Variants in RAB11FIP5 observed in about 807,000 individuals in gnomAD.
RAB11FIP5 encodes the protein rab11 family-interacting protein 5.
Under a neutral mutation model 85.1 loss-of-function variants are expected in RAB11FIP5, and 48 were observed. The observed-to-expected ratio is 0.56, with a 90% CI of 0.45 to 0.72. RAB11FIP5 has a LOEUF of 0.72. RAB11FIP5 is among the 30% of genes least tolerant of loss of function. The probability of loss-of-function intolerance (pLI) is 0.00; values close to 1 mark genes in which losing one functional copy is unlikely to be tolerated. For missense variants in RAB11FIP5, 1,491 were observed against 1,687.0 expected, an observed-to-expected ratio of 0.88 and a Z score of 2.04; for synonymous variants, 729 against 727.3, an observed-to-expected ratio of 1.00 and a Z score of -0.04.
Position 73,086,791 on chromosome 2 carries a change from C to T in RAB11FIP5, c.1568+1259G>A, listed in dbSNP as rs1445120950. On this transcript the variant is annotated intron_variant, in intron 3 of 5. Transcript: ENST00000486777. This position sits in a 1 kb window ranked among gnomAD's most constrained non-coding sequence, Gnocchi z 4.4. ...TCACCTGAGCTCTGGTGAGTAGGGG[C>T]GGGGCAGTAGGGACAGGAGCTGCCA... Among the ~76,000 whole-genome samples, 2 of 152,252 alleles carry T rather than the reference C, an allele frequency of 1.3e-5. No individual in the cohort carries two copies. The highest frequency in any genetic ancestry group is 6.5e-5 in the Admixed American group (1 of 15,298).
At position 73,079,755 on chromosome 2, in the gene RAB11FIP5, G is replaced by A. The variant is rs1683932243; in HGVS notation, c.3477C>T (p.Ser1159=). 1.6e-6 allele frequency: 2 copies of A among 1,232,480 alleles called. No individual in the cohort carries two copies. The highest frequency in any genetic ancestry group is 3.1e-5 in the African/African-American group (2 of 64,420). The allele number at this position is 1,232,480 out of a possible 1,614,324, so 76.3% of individuals were successfully genotyped here. A position where few individuals can be genotyped will look rare whatever the true frequency, so the allele number is the denominator to read the frequency against. The part of the protein sequence containing the change: ...GPHEPSPPGG[S]PALLREDLAA... Reference sequence around the variant, plus strand: ...CGAGGTCCTCCCTAAGTAGGGCAGGGGAGCCCCCAGGTGGGGAGGGCTCAT... The same window carrying A: ...CGAGGTCCTCCCTAAGTAGGGCAGGAGAGCCCCCAGGTGGGGAGGGCTCAT... The change falls in exon 4 of 6, where the codon TCC becomes TCT. Residue 1159 remains serine (S), a synonymous_variant. Coordinates refer to ENST00000486777, the MANE Select transcript of RAB11FIP5 (RefSeq NM_001371272.1).
At position 73,088,756 on chromosome 2, in the gene RAB11FIP5, G is replaced by A; in HGVS notation, c.869-7C>T. Reference sequence around the variant, plus strand: ...GACTGTGCAGAGTCCCTGCCTGCAGGGGAAACACACAGAGTTAGCTCGCAG... The same window carrying A: ...GACTGTGCAGAGTCCCTGCCTGCAGAGGAAACACACAGAGTTAGCTCGCAG... On this transcript the variant is annotated splice_polypyrimidine_tract_variant and splice_region_variant and intron_variant, in intron 2 of 5. Transcript: ENST00000486777. 8 of 1,577,338 alleles carry A rather than the reference G, an allele frequency of 5.1e-6. No individual in the cohort carries two copies. The highest frequency in any genetic ancestry group is 2.2e-5 in the East Asian group (1 of 44,548).
chr2:73,109,066 G>A (rs1213727855), intron 1 of RAB11FIP5, among the ~76,000 whole-genome samples: 1 of 152,034 alleles, frequency 6.6e-6, no homozygotes, highest in Non-Finnish European at 1.5e-5. Flanking sequence ...AAAAAAGGAT[G>A]TTGAAGATAA....
chr2:73,074,940 C>A lies in RAB11FIP5; in HGVS notation c.*581G>T. ...ACAAACAGCTCCAGACTGAAGCAGA[C>A]TCAGGACATGGCAGAGACTGGCCCA... On this transcript the variant is annotated 3_prime_UTR_variant, in exon 6 of 6. Coordinates refer to ENST00000486777, the MANE Select transcript of RAB11FIP5 (RefSeq NM_001371272.1). 2.9e-6 allele frequency: 1 copy of A among 340,532 alleles called. No individual in the cohort carries two copies. The allele number at this position is 340,532 out of a possible 1,614,324, so 21.1% of individuals were successfully genotyped here. A position where few individuals can be genotyped will look rare whatever the true frequency, so the allele number is the denominator to read the frequency against.
intron 1 of RAB11FIP5, among the ~76,000 whole-genome samples, chr2:73,100,849 G>A (rs1398176225): frequency 2.0e-5 from 3 of 151,798 alleles, no homozygotes; most frequent in Non-Finnish European, 4.4e-5. Context: ...CTGTTGCCCA[G>A]GCTGGAGTGC....
chr2:73,076,273 G>T, intron 4 of RAB11FIP5, 91 bp from the exon 5 acceptor site: 1 of 1,260,894 alleles, frequency 7.9e-7, no homozygotes, highest in African/African-American at 1.5e-5. Context: ...CTCCAGGTCT[G>T]CTGGACAGAA....
rs139999471 is a variant in RAB11FIP5 at position 73,090,182 on chromosome 2, C to T, written c.432-867G>A. On this transcript the variant is annotated intron_variant, in intron 1 of 5. Transcript: ENST00000486777. ...GTAAAGGAACCCATCCGTGGAGACT[C>T]AGAGCCAGGTGTCCAGCCCTCCAAA... 5.9e-5 allele frequency among the ~76,000 whole-genome samples: 9 copies of T among 152,274 alleles called. 1 individual carries two copies. The East Asian group carries it at 1.7e-3, about 29-fold the overall frequency.
In RAB11FIP5 at chr2:73,075,788, G is replaced by A; in HGVS notation, c.3772-64C>T. 1 of 1,495,618 alleles carries A rather than the reference G, an allele frequency of 6.7e-7. No individual in the cohort carries two copies. The highest frequency in any genetic ancestry group is 9.0e-7 in the Non-Finnish European group (1 of 1,106,344). The allele number at this position is 1,495,618 out of a possible 1,614,324, so 92.6% of individuals were successfully genotyped here. On this transcript the variant is annotated intron_variant, in intron 5 of 5. Coordinates refer to ENST00000486777, the MANE Select transcript of RAB11FIP5 (RefSeq NM_001371272.1). This position sits in a 1 kb window ranked among gnomAD's most constrained non-coding sequence, Gnocchi z 4.6. Reference sequence around the variant, plus strand: ...GGCCTGCCTGCCTGCCTGCCCGCTTGCCCGCCCGCCCGCCTGCCCACCAAC... The same window carrying A: ...GGCCTGCCTGCCTGCCTGCCCGCTTACCCGCCCGCCCGCCTGCCCACCAAC...
At chr2:73,100,082 C>T (rs1684399209) in intron 1 of RAB11FIP5, among the ~76,000 whole-genome samples, 1 of 152,176 alleles carries the variant, frequency 6.6e-6, no homozygotes, top group South Asian at 2.1e-4. Flanking sequence ...AAATACTGAT[C>T]CAGGCCTCCT....
chr2:73,100,244 C>T lies in RAB11FIP5; in HGVS notation c.432-10929G>A, dbSNP rs190930559. Among the ~76,000 whole-genome samples, 379 of 152,180 alleles carry T rather than the reference C, an allele frequency of 2.5e-3. 1 individual carries two copies. Among genetic ancestry groups the T allele is most frequent in the African/African-American group, 8.8e-3 (366 of 41,490 alleles). ...ACACTGATCATAATACTCCCTGCCCCGGATTTCTACCGCGGGACAGTGATA... is the reference window on the plus strand; with the variant it reads ...ACACTGATCATAATACTCCCTGCCCTGGATTTCTACCGCGGGACAGTGATA... On this transcript the variant is annotated intron_variant, in intron 1 of 5. Transcript: ENST00000486777.
At chr2:73,102,051 G>C (rs886300720) in intron 1 of RAB11FIP5, among the ~76,000 whole-genome samples, 3 of 152,206 alleles carry the variant, frequency 2.0e-5, no homozygotes, top group East Asian at 1.9e-4. Context: ...GGAGGGGTTT[G>C]ATTTCAGGAT....
rs1404810518 is a variant in RAB11FIP5, at chr2:73,075,778, C to CTGCCCGCT, written c.3772-62_3772-55dup. The CTGCCCGCT allele has an allele frequency of 9.8e-6, 15 of 1,531,060 alleles. No individual in the cohort carries two copies. The highest frequency in any genetic ancestry group is 5.5e-5 in the African/African-American group (4 of 72,848). 94.8% of individuals were successfully genotyped at this position (1,531,060 alleles called of 1,614,324 possible). A position where few individuals can be genotyped will look rare whatever the true frequency, so the allele number is the denominator to read the frequency against. On this transcript the variant is annotated intron_variant, in intron 5 of 5. Transcript: ENST00000486777. This position sits in a 1 kb window ranked among gnomAD's most constrained non-coding sequence, Gnocchi z 4.6. ...GGCAGCCCTAGGCCTGCCTGCCTGC[C>CTGCCCGCT]TGCCCGCTTGCCCGCCCGCCCGCCT... is the stretch of plus-strand genomic sequence containing the variant.
intron 1 of RAB11FIP5, among the ~76,000 whole-genome samples, 153 bp downstream of exon 1, chr2:73,112,194 C>T (rs1684671204): frequency 6.6e-6 from 1 of 152,210 alleles, no homozygotes; most frequent in South Asian, 2.1e-4. Context: ...AAGACGACCC[C>T]GAAATGCGAA....
rs1183568379 is a variant in RAB11FIP5, at chr2:73,089,877, ATG to A, written c.432-564_432-563del. ...GGAATGCTAGTGCATACACTCATGT[ATG>A]TATACACACACACACACACACACAC... On this transcript the variant is annotated intron_variant, in intron 1 of 5. Coordinates refer to ENST00000486777, the MANE Select transcript of RAB11FIP5 (RefSeq NM_001371272.1). This position sits in a 1 kb window ranked among gnomAD's most constrained non-coding sequence, Gnocchi z 4.6. Among the ~76,000 whole-genome samples the A allele has an allele frequency of 1.0e-5, 1 of 97,648 alleles. No homozygotes were observed. The highest frequency in any genetic ancestry group is 2.2e-5 in the Non-Finnish European group (1 of 46,348). 64.1% of individuals were successfully genotyped at this position (97,648 alleles called of 152,430 possible).
At chr2:73,108,726 C>T (rs1328477085) in intron 1 of RAB11FIP5, among the ~76,000 whole-genome samples, 1 of 152,220 alleles carries the variant, frequency 6.6e-6, no homozygotes, top group African/African-American at 2.4e-5. Flanking sequence ...GAGGCAAACA[C>T]AGGACACCCA....
chr2:73,081,095 T>TCCTCCTCCTCCTCCTCC lies in RAB11FIP5; in HGVS notation c.2136_2137insGGAGGAGGAGGAGGAGG (p.Arg713GlyfsTer40), dbSNP rs1559232929. 5 of 1,229,802 alleles carry TCCTCCTCCTCCTCCTCC rather than the reference T, an allele frequency of 4.1e-6. No individual in the cohort carries two copies. The African/African-American group carries it at 7.9e-5, about 19-fold the overall frequency. 76.2% of individuals were successfully genotyped at this position (1,229,802 alleles called of 1,614,324 possible). On this transcript the variant is annotated frameshift_variant, in exon 4 of 6. Transcript: ENST00000486777. LOFTEE classifies it high-confidence loss of function. This position sits in a 1 kb window ranked among gnomAD's most constrained non-coding sequence, Gnocchi z 4.2. ...TCCAGCCACACGCTGCTCCCACCTC[T>TCCTCCTCCTCCTCCTCC]TCCTCCTCCTCCTCCTCCTCCTCCT...
intron 1 of RAB11FIP5, among the ~76,000 whole-genome samples, chr2:73,097,229 GT>G (rs1359705875): frequency 6.6e-6 from 1 of 152,090 alleles, no homozygotes; most frequent in East Asian, 1.9e-4. Flanking sequence ...TAGAGACGGG[GT>G]TTTTCCATGT....
Position 73,076,123 on chromosome 2 carries a change from T to C in RAB11FIP5, c.3641A>G (p.Gln1214Arg). ...APVEGSPDRK[Q>R]SRSSLSIALS... is the part of the protein sequence containing the mutation. ...GGCTATGCTCAGACTGGAGCGGGAC[T>C]GCTTCCTGTCGGGGCTGCCCTCCAC... Residue 1214 changes from glutamine (Q) to arginine (R), a missense_variant, in exon 5 of 6, where the codon CAG becomes CGG. By Grantham distance (43) the Gln-to-Arg change is conservative. Transcript: ENST00000486777. The C allele has an allele frequency of 6.2e-7, 1 of 1,613,950 alleles. No homozygotes were observed. The highest frequency in any genetic ancestry group is 8.5e-7 in the Non-Finnish European group (1 of 1,179,794).
In RAB11FIP5 at chr2:73,088,233, A is replaced by G. The variant is rs1684129335; in HGVS notation, c.1385T>C (p.Met462Thr). Residue 462 changes from methionine to threonine, a missense_variant, in exon 3 of 6, where the codon ATG becomes ACG. Transcript: ENST00000486777. ...TTGGTGGTGGTGGTGGAAGAGACCC[A>G]TCCGGGGCTTGCGTTCCTCCTTCCG... ...GARKEERKPR[M>T]GLFHHHHQGL... is the part of the protein sequence containing the mutation. The G allele has an allele frequency of 1.9e-6, 3 of 1,613,764 alleles. 1 individual carries two copies. The South Asian group carries it at 3.3e-5, about 18-fold the overall frequency.
Sources: allele counts gnomAD v4.1 joint callset (sites outside exome capture counted in the v4.1 genomes callset), GRCh38; gene constraint gnomAD v4.1.1; non-coding constraint Gnocchi (gnomAD v3.1); transcripts MANE v1.5; gene names NCBI Gene and HGNC (gene_info 2026-07-23, HGNC 2026-07-21).